PITPNM1: variants seen among roughly 807,000 people sequenced by gnomAD.
PITPNM1 encodes the protein membrane-associated phosphatidylinositol transfer protein 1.
Under a neutral mutation model 133.3 loss-of-function variants are expected in PITPNM1, and 74 were observed. That is an observed-to-expected ratio of 0.56 (90% CI 0.46 to 0.67). The LOEUF (loss-of-function observed/expected upper bound fraction) is 0.67, where lower values mean the gene tolerates loss of function less well. Among genes scored for constraint, PITPNM1 ranks in the 30% least tolerant of loss-of-function variants. PITPNM1 has a pLI of 0.00. For synonymous variants in PITPNM1, 738 were observed against 741.4 expected, an observed-to-expected ratio of 1.00 and a Z score of 0.08; for missense variants, 1,398 against 1,739.5, an observed-to-expected ratio of 0.80 and a Z score of 3.49.
chr11:67,492,088 G>T lies in PITPNM1; in HGVS notation c.3680C>A (p.Thr1227Asn). ...GCTCCGTGCTTTGCCCCGTGCCAGG[G>T]TGGTGGGTGGTGTTCCCGGGCCCTC... is the stretch of plus-strand genomic sequence containing the variant. ...EREGPGTPPTTLARGKARSIS... is the reference protein window; with the variant it reads ...EREGPGTPPTNLARGKARSIS... Residue 1227 changes from threonine (T) to asparagine (N), a missense_variant, in exon 24 of 24, where the codon ACC (threonine) becomes AAC (asparagine). Around this residue, in one of 5 missense-constraint regions of PITPNM1, gnomAD observed 122 missense variants for 123.3 expected, o/e 0.99. Transcript: ENST00000356404. The T allele has an allele frequency of 6.2e-7, 1 of 1,612,494 alleles. No individual in the cohort carries two copies. The highest frequency in any genetic ancestry group is 8.5e-7 in the Non-Finnish European group (1 of 1,179,894).
chr11:67,502,144 C>T lies in PITPNM1; in HGVS notation c.416-58G>A. The T allele has an allele frequency of 6.4e-7, 1 of 1,570,936 alleles. No individual in the cohort carries two copies. The highest frequency in any genetic ancestry group is 8.7e-7 in the Non-Finnish European group (1 of 1,151,546). On this transcript the variant is annotated intron_variant, in intron 4 of 23. Transcript: ENST00000356404. The surrounding 1 kb of genome is among the most constrained non-coding windows in gnomAD (Gnocchi z 5.9). ...AGCCCCTTTGAGCCCCCGCTCCTGG[C>T]ACCCTCTTGGGACTGGATGACAGTT...
rs758018621 is a variant in PITPNM1 at position 67,504,130 on chromosome 11, G to A, written c.51C>T (p.Tyr17=). Residue 17 remains tyrosine (Y), a synonymous_variant, in exon 2 of 24, where the codon TAC becomes TAT. Transcript: ENST00000356404. The surrounding 1 kb of genome is among the most constrained non-coding windows in gnomAD (Gnocchi z 5.4). ...GGATCATGTAGAGCTGGGCCACCTG[G>A]TACTCGTCCAGGCTCATGGGCAGCA... The part of the protein sequence containing the change: ...HILLPMSLDE[Y]QVAQLYMIQK... 1.9e-6 allele frequency: 3 copies of A among 1,609,136 alleles called. No homozygotes were observed. Among genetic ancestry groups the A allele is most frequent in the Non-Finnish European group, 1.7e-6 (2 of 1,178,628 alleles).
At chr11:67,493,888 G>A (rs1866018865) in intron 20 of PITPNM1, 34 bp downstream of exon 20, 4 of 1,528,174 alleles carry the variant, frequency 2.6e-6, no homozygotes, top group Non-Finnish European at 2.6e-6. Context: ...GCCTGGCGGA[G>A]CCCTCCCGCA....
At position 67,498,853 on chromosome 11, in the gene PITPNM1, G is replaced by C; in HGVS notation, c.1234-7C>G. 6.2e-7 allele frequency: 1 copy of C among 1,608,752 alleles called. No homozygotes were observed. Among genetic ancestry groups the C allele is most frequent in the Admixed American group, 1.7e-5 (1 of 59,970 alleles). ...CCCCGGCTCCATCCAGGCCCTGGGG[G>C]GAACAATGGGGTGCAGTGGGTGTCA... On this transcript the variant is annotated splice_polypyrimidine_tract_variant and splice_region_variant and intron_variant, in intron 9 of 23. Coordinates refer to ENST00000356404, the MANE Select transcript of PITPNM1 (RefSeq NM_004910.3). This position sits in a 1 kb window ranked among gnomAD's most constrained non-coding sequence, Gnocchi z 5.7.
intron 15 of PITPNM1, among the ~76,000 whole-genome samples, chr11:67,495,852 C>A (rs942239520): frequency 2.0e-5 from 3 of 152,252 alleles, no homozygotes; most frequent in Admixed American, 1.3e-4. Flanking sequence ...CATACCTGGG[C>A]ATGCCCCGCA....
intron 23 of PITPNM1, 111 bp downstream of exon 23, chr11:67,492,823 G>T: frequency 7.4e-7 from 1 of 1,346,852 alleles, no homozygotes; most frequent in Non-Finnish European, 1.0e-6. Flanking sequence ...GTTCCCTGGA[G>T]GCCGGTTAGG....
Position 67,492,052 on chromosome 11 carries a change from T to G in PITPNM1, c.3716A>C (p.Lys1239Thr), listed in dbSNP as rs758942088. Residue 1239 changes from lysine (K) to threonine (T), a missense_variant, in exon 24 of 24, where the codon AAG becomes ACG. Around this residue, in one of 5 missense-constraint regions of PITPNM1, gnomAD observed 122 missense variants for 123.3 expected, o/e 0.99. Coordinates refer to ENST00000356404, the MANE Select transcript of PITPNM1 (RefSeq NM_004910.3). Reference protein sequence around the residue: ...ARGKARSISLKLDSEE With the variant: ...ARGKARSISLTLDSEE Reference sequence around the variant, plus strand: ...TGGGCCTCACTCCTCGCTGTCCAGCTTCAGGCTGATGCTCCGTGCTTTGCC... The same window carrying G: ...TGGGCCTCACTCCTCGCTGTCCAGCGTCAGGCTGATGCTCCGTGCTTTGCC... 3.7e-6 allele frequency: 6 copies of G among 1,612,330 alleles called. No individual in the cohort carries two copies. The East Asian group carries it at 1.3e-4, about 36-fold the overall frequency.
rs1866126590 is a variant in PITPNM1 at position 67,496,495 on chromosome 11, G to T, written c.2147-147C>A. The T allele has an allele frequency of 1.8e-5, 12 of 651,766 alleles. No homozygotes were observed. The South Asian group carries it at 2.5e-4, about 14-fold the overall frequency. 40.4% of individuals were successfully genotyped at this position (651,766 alleles called of 1,614,324 possible). A position where few individuals can be genotyped will look rare whatever the true frequency, so the allele number is the denominator to read the frequency against. On this transcript the variant is annotated intron_variant, in intron 14 of 23. Coordinates refer to ENST00000356404, the MANE Select transcript of PITPNM1 (RefSeq NM_004910.3). ...ACTGCACTCCCTGGGAAGTCAGTAGGGCCCTGCTTAAAGTGAGACAGGGGC... is the reference window on the plus strand; with the variant it reads ...ACTGCACTCCCTGGGAAGTCAGTAGTGCCCTGCTTAAAGTGAGACAGGGGC...
rs377280148 is a variant in PITPNM1, at chr11:67,498,544, G to A, written c.1484+52C>T. On this transcript the variant is annotated intron_variant, in intron 10 of 23. Transcript: ENST00000356404. The surrounding 1 kb of genome is among the most constrained non-coding windows in gnomAD (Gnocchi z 5.7). ...TGACCCCTTCCCCGCTCCCTGCCCC[G>A]CTCCCTGGCCTGATCCTACGAGTTC... The A allele has an allele frequency of 1.1e-3, 1,796 of 1,571,698 alleles. 2 individuals are homozygous for A. The highest frequency in any genetic ancestry group is 1.4e-3 in the Non-Finnish European group (1,602 of 1,163,200).
rs1866418998 is a variant in PITPNM1, at chr11:67,504,169, C to T, written c.12G>A (p.Lys4=). ...TCATGGGCAGCAGAATGTGGTATTC[C>T]TTGATGAGCATCCTGAAGGCGCTCG... MLI[K]EYHILLPMSL... Residue 4 remains lysine (K), a synonymous_variant, in exon 2 of 24, where the codon AAG becomes AAA. Transcript: ENST00000356404. This position sits in a 1 kb window ranked among gnomAD's most constrained non-coding sequence, Gnocchi z 5.4. 1 of 1,606,770 alleles carries T rather than the reference C, an allele frequency of 6.2e-7. No individual in the cohort carries two copies. Among genetic ancestry groups the T allele is most frequent in the Non-Finnish European group, 8.5e-7 (1 of 1,177,486 alleles).
In PITPNM1 at chr11:67,498,068, C is replaced by A. The variant is rs148564747; in HGVS notation, c.1675-44G>T. On this transcript the variant is annotated intron_variant, in intron 11 of 23. Transcript: ENST00000356404. The surrounding 1 kb of genome is among the most constrained non-coding windows in gnomAD (Gnocchi z 5.7). ...ACCATCAGGAGAGGCCTTGTCCTCA[C>A]CCAGGCCAGACTACAGTGGGGGCTG... The A allele has an allele frequency of 7.9e-4, 1,271 of 1,608,054 alleles. 9 individuals are homozygous for A. In the African/African-American group the frequency reaches 0.015, roughly 19 times the overall value.
Position 67,493,140 on chromosome 11 carries a change from G to T in PITPNM1, c.3343-78C>A. ...GGGCGGGGCCTGTTGGGCTTCCCCA[G>T]ATTGTTCTGGGGGTGGGTCCAGGCA... On this transcript the variant is annotated intron_variant, in intron 22 of 23. Coordinates refer to ENST00000356404, the MANE Select transcript of PITPNM1 (RefSeq NM_004910.3). 7 of 1,559,866 alleles carry T rather than the reference G, an allele frequency of 4.5e-6. No homozygotes were observed. The South Asian group carries it at 6.8e-5, about 15-fold the overall frequency.
In PITPNM1 at chr11:67,493,397, C is replaced by A; in HGVS notation, c.3342+13G>T. The A allele has an allele frequency of 6.4e-7, 1 of 1,562,288 alleles. No homozygotes were observed. The highest frequency in any genetic ancestry group is 1.2e-5 in the South Asian group (1 of 85,550). ...GCGGGGTCAGGACCCGGAGCCTCCC[C>A]CAGCCGCCGCACCTCCTGCACCAGG... On this transcript the variant is annotated intron_variant, in intron 22 of 23. Coordinates refer to ENST00000356404, the MANE Select transcript of PITPNM1 (RefSeq NM_004910.3).
At position 67,492,086 on chromosome 11, in the gene PITPNM1, G is replaced by A. The variant is rs780974442; in HGVS notation, c.3682C>T (p.Leu1228=). ...REGPGTPPTT[L]ARGKARSISL... Reference sequence around the variant, plus strand: ...ATGCTCCGTGCTTTGCCCCGTGCCAGGGTGGTGGGTGGTGTTCCCGGGCCC... The same window carrying A: ...ATGCTCCGTGCTTTGCCCCGTGCCAAGGTGGTGGGTGGTGTTCCCGGGCCC... The change falls in exon 24 of 24, where the codon CTG becomes TTG. Residue 1228 remains leucine (L), a synonymous_variant. Transcript: ENST00000356404. 9.9e-6 allele frequency: 16 copies of A among 1,612,384 alleles called. No homozygotes were observed. The South Asian group carries it at 1.8e-4, about 18-fold the overall frequency.
intron 14 of PITPNM1, 74 bp from the exon 15 acceptor site, chr11:67,496,422 G>A: frequency 7.3e-7 from 1 of 1,377,194 alleles, no homozygotes; most frequent in Non-Finnish European, 9.8e-7. Flanking sequence ...AGGGGGTGTG[G>A]GAGCAGCACC....
rs1289321332 is a variant in PITPNM1, at chr11:67,495,201, T to C, written c.2507A>G (p.Lys836Arg). 10 of 1,605,470 alleles carry C rather than the reference T, an allele frequency of 6.2e-6. No individual in the cohort carries two copies. The highest frequency in any genetic ancestry group is 6.8e-6 in the Non-Finnish European group (8 of 1,175,768). ...VKILERWWGT[K>R]RIDYSLYCPE... ...GCAGTACAGCGAGTAGTCGATCCGC[T>C]TGGTCCCCCACCAGCGCTCCAGGAC... Residue 836 changes from lysine (K) to arginine (R), a missense_variant, in exon 17 of 24, where the codon AAG becomes AGG. Coordinates refer to ENST00000356404, the MANE Select transcript of PITPNM1 (RefSeq NM_004910.3).
In PITPNM1 at chr11:67,502,651, G is replaced by A. The variant is rs1178283472; in HGVS notation, c.146C>T (p.Thr49Met). ...GVEILANRPY[T>M]DGPGGSGQYT... ...TTGCCCGCTGCCCCCGGGCCCATCC[G>A]TGTAGGGCCGGTTGGCCAGGATCTC... The change falls in exon 3 of 24, where the codon ACG becomes ATG. Residue 49 changes from threonine (T) to methionine (M), a missense_variant. Transcript: ENST00000356404. The surrounding 1 kb of genome is among the most constrained non-coding windows in gnomAD (Gnocchi z 5.9). 5.0e-6 allele frequency: 8 copies of A among 1,613,536 alleles called. No homozygotes were observed. Among genetic ancestry groups the A allele is most frequent in the East Asian group, 4.5e-5 (2 of 44,890 alleles).
rs745905500 is a variant in PITPNM1, at chr11:67,502,717, T to C, written c.80A>G (p.Lys27Arg). The change falls in exon 3 of 24, where the codon AAA becomes AGA. Residue 27 changes from lysine (K) to arginine (R), a missense_variant and splice_region_variant. Lys to Arg is a conservative substitution (Grantham distance 26). Coordinates refer to ENST00000356404, the MANE Select transcript of PITPNM1 (RefSeq NM_004910.3). This position sits in a 1 kb window ranked among gnomAD's most constrained non-coding sequence, Gnocchi z 5.9. ...YQVAQLYMIQKKSREESSGEG... is the reference protein window; with the variant it reads ...YQVAQLYMIQRKSREESSGEG... ...ACCACTAGACTCCTCCCGGCTCTTT[T>C]TCTGTGGCCCAAGGGAGAGCAGGAC... The C allele has an allele frequency of 6.2e-7, 1 of 1,612,074 alleles. No individual in the cohort carries two copies. The highest frequency in any genetic ancestry group is 8.5e-7 in the Non-Finnish European group (1 of 1,179,052).
rs1171566358 is a variant in PITPNM1 at position 67,501,780 on chromosome 11, A to T, written c.640+82T>A. On this transcript the variant is annotated intron_variant, in intron 5 of 23. Coordinates refer to ENST00000356404, the MANE Select transcript of PITPNM1 (RefSeq NM_004910.3). ...GATGGCTTTCTGCTTCTGTGTCCCC[A>T]GTGGATGGGAGCATCCCTGGCCCTA... 3 of 1,194,262 alleles carry T rather than the reference A, an allele frequency of 2.5e-6. No individual in the cohort carries two copies. In the African/African-American group the frequency reaches 4.5e-5, roughly 18 times the overall value. 74.0% of individuals were successfully genotyped at this position (1,194,262 alleles called of 1,614,324 possible).
Sources: gnomAD v4.1 joint callset for allele counts (sites outside exome capture counted in the v4.1 genomes callset) on GRCh38, gnomAD v4.1.1 for gene constraint, gnomAD v4.1.1 regional missense constraint, Gnocchi (gnomAD v3.1) non-coding constraint, MANE v1.5 for transcripts, NCBI Gene and HGNC (gene_info 2026-07-23, HGNC 2026-07-21) for gene names.